The following TANC2 variants were observed in gnomAD, a reference collection of about 807,000 sequenced individuals.
TANC2 encodes protein TANC2.
TANC2 carries 26 observed loss-of-function variants against 210.5 expected under a neutral mutation model. The ratio of observed to expected loss-of-function variants is 0.12; its 90% confidence interval spans 0.09 to 0.17. The LOEUF (loss-of-function observed/expected upper bound fraction) is 0.17, where lower values mean the gene tolerates loss of function less well. Among genes scored for constraint, TANC2 ranks in the 10% least tolerant of loss-of-function variants. TANC2 has a pLI of 1.00. For missense variants in TANC2, 2,129 were observed against 2,608.9 expected (o/e 0.82, Z 4.01); for synonymous variants, 931 against 967.1 (o/e 0.96, Z 0.69).
At chr17:63,080,458 T>G (rs1291233757) in intron 3 of TANC2, among the ~76,000 whole-genome samples, 1 of 152,236 alleles carries the variant, frequency 6.6e-6, no homozygotes, top group Non-Finnish European at 1.5e-5. Context: ...TGTGTACTGG[T>G]GTAATGATGT....
At chr17:62,990,192 A>G (rs1356338952) in intron 1 of TANC2, among the ~76,000 whole-genome samples, 1 of 152,150 alleles carries the variant, frequency 6.6e-6, no homozygotes, top group African/African-American at 2.4e-5. Context: ...AGGGTTGTTC[A>G]TATGAGAGGC....
intron 13 of TANC2, among the ~76,000 whole-genome samples, chr17:63,353,670 G>A (rs1012066703): frequency 7.2e-5 from 11 of 151,762 alleles, no homozygotes; most frequent in South Asian, 2.1e-4. Flanking sequence ...GGGTGAGCTG[G>A]GAAATAAAAA....
intron 4 of TANC2, among the ~76,000 whole-genome samples, chr17:63,118,269 A>G (rs1376019273): frequency 6.6e-6 from 1 of 152,190 alleles, no homozygotes; most frequent in Non-Finnish European, 1.5e-5. Flanking sequence ...TTTTTTAACA[A>G]CACAATTTGC....
chr17:63,075,679 C>T (rs975895579), intron 3 of TANC2, among the ~76,000 whole-genome samples: 7 of 152,014 alleles, frequency 4.6e-5, no homozygotes, highest in African/African-American at 7.2e-5. Flanking sequence ...ATTACAGGCC[C>T]GGCTTTTTTT....
chr17:63,403,740 A>C (rs1215004408), intron 19 of TANC2, among the ~76,000 whole-genome samples: 1 of 152,242 alleles, frequency 6.6e-6, no homozygotes, highest in Admixed American at 6.5e-5. Flanking sequence ...GAACTGGTTT[A>C]AGAGTGCATG....
In TANC2 at chr17:63,420,809, G is replaced by A. The variant is rs544316717; in HGVS notation, c.5079G>A (p.Lys1693=). 2 of 1,614,028 alleles carry A rather than the reference G, an allele frequency of 1.2e-6. No individual in the cohort carries two copies. Among genetic ancestry groups the A allele is most frequent in the East Asian group, 4.5e-5 (2 of 44,888 alleles). The change falls in exon 28 of 28, where the codon AAG becomes AAA. Residue 1693 remains lysine, a synonymous_variant. Transcript: ENST00000689528. This position sits in a 1 kb window ranked among gnomAD's most constrained non-coding sequence, Gnocchi z 4.2. ...AAGGGCTCAGGCTACAGCCTGCCAA[G>A]GCCCAGATTGTGAGAAGTAACCAGC... is the stretch of plus-strand genomic sequence containing the variant.
intron 5 of TANC2, among the ~76,000 whole-genome samples, chr17:63,170,995 G>A (rs1481319262): frequency 2.0e-5 from 3 of 151,788 alleles, no homozygotes; most frequent in Admixed American, 1.3e-4. Context: ...TCAATCTGTT[G>A]GCATTAGATT....
exon 18 of TANC2, chr17:63,395,863 G>A (rs749608007): frequency 1.1e-5 from 17 of 1,611,470 alleles, no homozygotes; most frequent in East Asian, 6.7e-5. Flanking sequence ...GCAGCAAGGA[G>A]TATTTAAGAA....
intron 3 of TANC2, among the ~76,000 whole-genome samples, chr17:63,080,990 G>T (rs1393908037): frequency 6.6e-6 from 1 of 151,964 alleles, no homozygotes; most frequent in Non-Finnish European, 1.5e-5. Context: ...TACATCCCAA[G>T]TTTCAAATCA....
chr17:63,348,333 G>A (rs1019090541), intron 12 of TANC2, among the ~76,000 whole-genome samples: 25 of 152,188 alleles, frequency 1.6e-4, no homozygotes, highest in Admixed American at 6.5e-5. Context: ...GAAAGTTCAC[G>A]TATTTGTTAG....
rs35801082 is a variant in TANC2 at position 63,374,032 on chromosome 17, G to GTTTT, written c.2583-5667_2583-5664dup. ...TATTTTGATTTTTCAGTTGTTGTTG[G>GTTTT]TTTTTTTTTTTTTTTTTTTTTTGAG... On this transcript the variant is annotated intron_variant, in intron 14 of 27. Transcript: ENST00000689528. Among the ~76,000 whole-genome samples the GTTTT allele has an allele frequency of 8.9e-3, 835 of 93,422 alleles. 12 individuals carry two copies. The highest frequency in any genetic ancestry group is 0.016 in the African/African-American group (335 of 21,444). The allele number at this position is 93,422 out of a possible 152,430, so 61.3% of individuals were successfully genotyped here.
chr17:63,066,235 T>C (rs2036191714), intron 2 of TANC2, among the ~76,000 whole-genome samples: 1 of 152,058 alleles, frequency 6.6e-6, no homozygotes, highest in Non-Finnish European at 1.5e-5. Flanking sequence ...CTGGGGCTAG[T>C]GTGGAGCCTG....
At position 63,420,609 on chromosome 17, in the gene TANC2, C is replaced by G. The variant is rs769530509; in HGVS notation, c.4879C>G (p.Arg1627Gly). ...CCCTCTCCGGAGAGGCCCTCAGTAT[C>G]GGGCCAGCCCTCCAGCTGAAAGTAT... is the stretch of plus-strand genomic sequence containing the variant. The change falls in exon 28 of 28, where the codon CGG becomes GGG. Residue 1627 changes from arginine to glycine, a missense_variant. Physicochemically the swap from Arg to Gly is moderately radical, Grantham distance 125. Transcript: ENST00000689528. The surrounding 1 kb of genome is among the most constrained non-coding windows in gnomAD (Gnocchi z 4.2). The G allele has an allele frequency of 1.9e-6, 3 of 1,613,768 alleles. No individual in the cohort carries two copies. Among genetic ancestry groups the G allele is most frequent in the Non-Finnish European group, 1.7e-6 (2 of 1,179,834 alleles).
At chr17:63,106,056 T>C (rs1229816927) in intron 4 of TANC2, among the ~76,000 whole-genome samples, 1 of 151,608 alleles carries the variant, frequency 6.6e-6, no homozygotes, top group African/African-American at 2.4e-5. Flanking sequence ...GGGTACTGTT[T>C]CTAATTTGGT....
intron 2 of TANC2, among the ~76,000 whole-genome samples, chr17:63,035,439 T>A (rs1301506609): frequency 1.3e-5 from 2 of 152,216 alleles, no homozygotes; most frequent in Non-Finnish European, 2.9e-5. Flanking sequence ...CAGCAAAATC[T>A]CTGAGGTATG....
chr17:63,035,581 G>A (rs767283010), intron 2 of TANC2, among the ~76,000 whole-genome samples: 2 of 152,144 alleles, frequency 1.3e-5, no homozygotes, highest in Non-Finnish European at 2.9e-5. Context: ...TTGTATGGAT[G>A]TATTGTTTGC....
chr17:63,267,130 T>C (rs1176074959), intron 8 of TANC2, among the ~76,000 whole-genome samples: 10 of 152,118 alleles, frequency 6.6e-5, no homozygotes, highest in Non-Finnish European at 1.3e-4. Flanking sequence ...CTGGGATTAC[T>C]AGCATGAACC....
chr17:63,358,376 A>AGAGAGAGTGTGTGTGTGTGTGTGT (rs1470682571), intron 14 of TANC2, among the ~76,000 whole-genome samples: 11 of 81,044 alleles, frequency 1.4e-4, no homozygotes, highest in African/African-American at 4.0e-4. Flanking sequence ...AGAGAGAGAG[A>AGAGAGAGTGTGTGTGTGTGTGTGT]GTATGTGTGT....
exon 17 of TANC2, chr17:63,389,384 G>C (rs775177337): frequency 1.2e-6 from 2 of 1,613,954 alleles, no homozygotes; most frequent in East Asian, 4.5e-5. Flanking sequence ...CCAATTCTAT[G>C]TGTTCAGTCC....
Sources: allele counts gnomAD v4.1 joint callset (sites outside exome capture counted in the v4.1 genomes callset), GRCh38; gene constraint gnomAD v4.1.1; non-coding constraint Gnocchi (gnomAD v3.1); transcripts MANE v1.5; gene names NCBI Gene and HGNC (gene_info 2026-07-23, HGNC 2026-07-21).